UBE2E3: variants seen among roughly 807,000 people sequenced by gnomAD.
UBE2E3 encodes the protein ubiquitin-conjugating enzyme E2 E3.
A neutral mutation model predicts 23.6 loss-of-function variants in UBE2E3; 5 were observed. The ratio of observed to expected loss-of-function variants is 0.21; its 90% confidence interval spans 0.11 to 0.44. The LOEUF (loss-of-function observed/expected upper bound fraction) is 0.44. UBE2E3 is among the 20% of genes least tolerant of loss of function. The pLI, the probability that UBE2E3 is intolerant of heterozygous loss-of-function variation, is 0.99. For synonymous variants in UBE2E3, 78 were observed against 87.5 expected, an observed-to-expected ratio of 0.89 and a Z score of 0.60; for missense variants, 81 against 249.8, an observed-to-expected ratio of 0.32 and a Z score of 4.55.
chr2:181,038,220 T>C (rs1387167941), intron 3 of UBE2E3, among the ~76,000 whole-genome samples: 2 of 152,186 alleles, frequency 1.3e-5, no homozygotes, highest in African/African-American at 4.8e-5. Context: ...ACCTTTCCTG[T>C]GTGTTTAGAT....
chr2:181,043,088 A>T (rs1369263525), intron 3 of UBE2E3, among the ~76,000 whole-genome samples: 1 of 152,238 alleles, frequency 6.6e-6, no homozygotes, highest in Non-Finnish European at 1.5e-5. Context: ...CATTTAAAAA[A>T]TTGTTTTAAA....
intron 3 of UBE2E3, among the ~76,000 whole-genome samples, chr2:181,039,273 A>G (rs1377953344): frequency 7.1e-6 from 1 of 141,258 alleles, no homozygotes. Context: ...TTATTTCAAA[A>G]TGGTGAATAA....
At chr2:181,036,961 C>T (rs73039016) in intron 3 of UBE2E3, among the ~76,000 whole-genome samples, 116 of 152,206 alleles carry the variant, frequency 7.6e-4, no homozygotes, top group African/African-American at 2.7e-3. Flanking sequence ...CAACATTAAG[C>T]GAAGACTTAC....
chr2:181,057,052 C>CA (rs1160918715), intron 3 of UBE2E3, among the ~76,000 whole-genome samples: 1 of 151,402 alleles, frequency 6.6e-6, no homozygotes, highest in Non-Finnish European at 1.5e-5. Flanking sequence ...CTAGATTCTG[C>CA]AAAAAACGTT....
chr2:181,056,255 C>G (rs577933749), intron 3 of UBE2E3, among the ~76,000 whole-genome samples: 2 of 151,590 alleles, frequency 1.3e-5, no homozygotes, highest in African/African-American at 4.8e-5. Context: ...TCTGTACATA[C>G]GTACAGGCAG....
intron 3 of UBE2E3, among the ~76,000 whole-genome samples, chr2:181,055,667 C>T (rs1296009143): frequency 6.6e-6 from 1 of 151,658 alleles, no homozygotes; most frequent in Non-Finnish European, 1.5e-5. Flanking sequence ...ATTTACTATC[C>T]TGCAATAGTT....
Position 180,982,199 on chromosome 2 carries a change from A to G in UBE2E3, c.157A>G (p.Ser53Gly), listed in dbSNP as rs1292234439. The G allele has an allele frequency of 6.2e-7, 1 of 1,612,132 alleles. No homozygotes were observed. Among genetic ancestry groups the G allele is most frequent in the African/African-American group, 1.3e-5 (1 of 74,632 alleles). Residue 53 changes from serine (S) to glycine (G), a missense_variant, in exon 2 of 6, where the codon AGC (serine) becomes GGC (glycine). Transcript: ENST00000410062. Reference sequence around the variant, plus strand: ...GCAGAAGAAAAACACCAAACTCTCTAGCAAAACCACTGCTAAGTTATCCAC... The same window carrying G: ...GCAGAAGAAAAACACCAAACTCTCTGGCAAAACCACTGCTAAGTTATCCAC... ...TQQKKNTKLSSKTTAKLSTSA... is the reference protein window; with the variant it reads ...TQQKKNTKLSGKTTAKLSTSA...
chr2:181,030,716 GA>G (rs1484346731), intron 3 of UBE2E3, among the ~76,000 whole-genome samples: 2 of 149,726 alleles, frequency 1.3e-5, no homozygotes, highest in African/African-American at 2.4e-5. Flanking sequence ...ATAAGGTGGG[GA>G]AAAGGTGGAA....
rs1381359446 is a variant in UBE2E3 at position 180,987,205 on chromosome 2, A to G, written c.245+3112A>G. 6.1e-6 allele frequency: 6 copies of G among 990,542 alleles called. No homozygotes were observed. In the South Asian group the frequency reaches 1.0e-4, roughly 17 times the overall value. 61.4% of individuals were successfully genotyped at this position (990,542 alleles called of 1,614,324 possible). A position where few individuals can be genotyped will look rare whatever the true frequency, so the allele number is the denominator to read the frequency against. On this transcript the variant is annotated intron_variant, in intron 3 of 5. Transcript: ENST00000410062. ...TTTATGCTGTTTACATAAAGTATAA[A>G]TAATTTATACATCAATGAGAGTCAA...
chr2:181,029,982 C>T (rs907391280), intron 3 of UBE2E3, among the ~76,000 whole-genome samples: 61 of 151,768 alleles, frequency 4.0e-4, no homozygotes, highest in African/African-American at 1.3e-3. Flanking sequence ...TACAGGCGCC[C>T]GCCACCATGC....
In UBE2E3 at chr2:181,056,001, G is replaced by A. The variant is rs186586748; in HGVS notation, c.246-1692G>A. Among the ~76,000 whole-genome samples, 144 of 150,336 alleles carry A rather than the reference G, an allele frequency of 9.6e-4. 1 individual carries two copies. The Middle Eastern group carries it at 0.01, about 11-fold the overall frequency. On this transcript the variant is annotated intron_variant, in intron 3 of 5. Coordinates refer to ENST00000410062, the MANE Select transcript of UBE2E3 (RefSeq NM_006357.4). ...GATCTTGGTTTTTCTTACAACATTC[G>A]CACTGAAAGGAACCCTGGCTCTTTG...
rs192878651 is a variant in UBE2E3 at position 180,982,401 on chromosome 2, A to G, written c.194+165A>G. The stretch of plus-strand genomic sequence containing the variant: ...TCATTCTTTAGGTGGTATGTAAGCA[A>G]CATTACTAGAATTATACTTTTAAGC... On this transcript the variant is annotated intron_variant, in intron 2 of 5. Transcript: ENST00000410062. Among the ~76,000 whole-genome samples the G allele has an allele frequency of 2.6e-4, 40 of 152,366 alleles. No homozygotes were observed. In the East Asian group the frequency reaches 7.1e-3, roughly 27 times the overall value.
At chr2:180,991,899 C>T (rs1328433352) in intron 3 of UBE2E3, among the ~76,000 whole-genome samples, 1 of 152,136 alleles carries the variant, frequency 6.6e-6, no homozygotes, top group Non-Finnish European at 1.5e-5. Context: ...AGAATTATTT[C>T]TGGAATTTTT....
intron 3 of UBE2E3, among the ~76,000 whole-genome samples, chr2:181,009,699 T>TA (rs1685259653): frequency 6.6e-6 from 1 of 152,116 alleles, no homozygotes; most frequent in South Asian, 2.1e-4. Context: ...TTCTAACTTC[T>TA]ACTTAAGTGA....
At chr2:181,025,003 A>G (rs1420874540) in intron 3 of UBE2E3, among the ~76,000 whole-genome samples, 1 of 152,024 alleles carries the variant, frequency 6.6e-6, no homozygotes, top group East Asian at 1.9e-4. Flanking sequence ...GACAATTTAA[A>G]AAGTTGTTAA....
intron 3 of UBE2E3, among the ~76,000 whole-genome samples, chr2:180,992,660 T>A (rs1684699931): frequency 1.3e-5 from 2 of 152,092 alleles, no homozygotes; most frequent in African/African-American, 4.8e-5. Context: ...CATGCCTGAC[T>A]AACTTTTTTT....
chr2:181,049,676 A>T (rs1242527618), intron 3 of UBE2E3, among the ~76,000 whole-genome samples: 1 of 152,036 alleles, frequency 6.6e-6, no homozygotes, highest in Admixed American at 6.6e-5. Flanking sequence ...GCATTATTGC[A>T]TTATCTGTGC....
At chr2:181,057,653 T>C in intron 3 of UBE2E3, 40 bp from the exon 4 acceptor site, 1 of 1,511,690 alleles carries the variant, frequency 6.6e-7, no homozygotes, top group Admixed American at 1.8e-5. Flanking sequence ...CATTCATTGC[T>C]AATATATGTA....
Position 181,007,857 on chromosome 2 carries a change from T to G in UBE2E3, c.245+23764T>G, listed in dbSNP as rs540651873. Among the ~76,000 whole-genome samples, 174 of 152,350 alleles carry G rather than the reference T, an allele frequency of 1.1e-3. 1 individual carries two copies. Among genetic ancestry groups the G allele is most frequent in the Non-Finnish European group, 1.2e-3 (83 of 68,020 alleles). ...GGCTAGTGTGAATAAGAAACTGAAT[T>G]TATAATTCAATTTTAATTATTTTAA... On this transcript the variant is annotated intron_variant, in intron 3 of 5. Coordinates refer to ENST00000410062, the MANE Select transcript of UBE2E3 (RefSeq NM_006357.4).
Sources: allele counts gnomAD v4.1 joint callset (sites outside exome capture counted in the v4.1 genomes callset), GRCh38; gene constraint gnomAD v4.1.1; transcripts MANE v1.5; gene names NCBI Gene and HGNC (gene_info 2026-07-23, HGNC 2026-07-21).